AKAP6: variants seen among roughly 807,000 people sequenced by gnomAD.
The protein encoded by AKAP6 is A-kinase anchoring protein 6, also known as A-kinase anchor protein 6.
A neutral mutation model predicts 188.5 loss-of-function variants in AKAP6; 58 were observed. That is an observed-to-expected ratio of 0.31 (90% CI 0.25 to 0.38). The LOEUF (loss-of-function observed/expected upper bound fraction) is 0.38, where lower values mean the gene tolerates loss of function less well. AKAP6 is among the 10% of genes least tolerant of loss of function. The pLI, the probability that AKAP6 is intolerant of heterozygous loss-of-function variation, is 1.00. For synonymous variants in AKAP6, 989 were observed against 998.6 expected (o/e 0.99, Z 0.18); for missense variants, 2,710 against 2,740.0 (o/e 0.99, Z 0.24).
At chr14:32,683,687 A>G (rs1889790712) in intron 8 of AKAP6, among the ~76,000 whole-genome samples, 2 of 152,186 alleles carry the variant, frequency 1.3e-5, no homozygotes, top group South Asian at 4.1e-4. Context: ...AGGGTCAGAA[A>G]TGACAAGGGT....
chr14:32,619,283 A>G (rs1886716355), intron 7 of AKAP6, among the ~76,000 whole-genome samples: 1 of 152,016 alleles, frequency 6.6e-6, no homozygotes, highest in Non-Finnish European at 1.5e-5. Context: ...AGTTTTTCTT[A>G]GTTTTTCTTC....
chr14:32,361,162 G>A (rs922882386), intron 1 of AKAP6, among the ~76,000 whole-genome samples: 1 of 151,830 alleles, frequency 6.6e-6, no homozygotes, highest in South Asian at 2.1e-4. Flanking sequence ...AAATGGCATA[G>A]GATGAGGGGA....
At chr14:32,792,813 T>C (rs952556144) in intron 12 of AKAP6, among the ~76,000 whole-genome samples, 10 of 152,244 alleles carry the variant, frequency 6.6e-5, no homozygotes, top group African/African-American at 2.4e-4. Context: ...TTATTGAGTG[T>C]TTTTAGCATG....
intron 2 of AKAP6, among the ~76,000 whole-genome samples, chr14:32,527,343 C>CTCCTTGGTTGCTTCCAAGTTTTGGCAA (rs960522283): frequency 6.6e-6 from 1 of 152,000 alleles, no homozygotes; most frequent in South Asian, 2.1e-4. Context: ...ACCTACTGAA[C>CTCCTTGGTTGCTTCCAAGTTTTGGCAA]TCCTTGGTTG....
chr14:32,529,194 A>ATAT (rs1882281808), intron 2 of AKAP6, among the ~76,000 whole-genome samples: 1 of 152,180 alleles, frequency 6.6e-6, no homozygotes, highest in Admixed American at 6.6e-5. Context: ...ATATGTTTTT[A>ATAT]GATTTATACC....
chr14:32,504,705 C>A (rs1482414996), intron 2 of AKAP6, among the ~76,000 whole-genome samples: 1 of 152,120 alleles, frequency 6.6e-6, no homozygotes, highest in Admixed American at 6.5e-5. Context: ...GTAGGCTTAC[C>A]TTTTTCTTCC....
chr14:32,540,864 T>G (rs1282068663), intron 3 of AKAP6, among the ~76,000 whole-genome samples: 1 of 149,390 alleles, frequency 6.7e-6, no homozygotes. Context: ...GCTTTGTTTT[T>G]TTTTTCAGGG....
At chr14:32,389,853 C>T (rs896347196) in intron 1 of AKAP6, among the ~76,000 whole-genome samples, 11 of 152,152 alleles carry the variant, frequency 7.2e-5, no homozygotes, top group Middle Eastern at 3.4e-3. Context: ...ATGAATTTCC[C>T]GTGTGTTCTT....
intron 9 of AKAP6, among the ~76,000 whole-genome samples, chr14:32,724,990 TAAAAAAAAAAA>T (rs71432079): frequency 2.9e-4 from 10 of 34,914 alleles, no homozygotes; most frequent in East Asian, 1.6e-3. Context: ...ATATTCAACC[TAAAAAAAAAAA>T]AAAAAAAAAA....
chr14:32,706,944 A>G (rs1890837296), intron 9 of AKAP6, among the ~76,000 whole-genome samples: 2 of 152,144 alleles, frequency 1.3e-5, no homozygotes, highest in South Asian at 2.1e-4. Flanking sequence ...AAGGATAGCT[A>G]TACCCTACTG....
At chr14:32,646,839 G>A (rs1193664321) in intron 7 of AKAP6, among the ~76,000 whole-genome samples, 1 of 152,048 alleles carries the variant, frequency 6.6e-6, no homozygotes, top group Non-Finnish European at 1.5e-5. Flanking sequence ...GGGAAAAGGA[G>A]TACAGTGATT....
chr14:32,564,107 T>C (rs71419914), intron 4 of AKAP6, among the ~76,000 whole-genome samples: 17,001 of 152,176 alleles, frequency 0.11, 1,251 homozygotes, highest in East Asian at 0.26. Context: ...ACTAGGTTAC[T>C]TGTAATATCT....
At chr14:32,797,310 A>G (rs867860759) in intron 12 of AKAP6, among the ~76,000 whole-genome samples, 1 of 152,184 alleles carries the variant, frequency 6.6e-6, no homozygotes, top group Admixed American at 6.6e-5. Context: ...AGATACATGC[A>G]TGCATATATT....
intron 2 of AKAP6, among the ~76,000 whole-genome samples, chr14:32,524,417 C>CAT (rs1882018630): frequency 6.6e-6 from 1 of 151,820 alleles, no homozygotes; most frequent in African/African-American, 2.4e-5. Flanking sequence ...TTTACTAAGC[C>CAT]ATATATATAA....
At chr14:32,342,488 T>C (rs1886920519) in intron 1 of AKAP6, among the ~76,000 whole-genome samples, 1 of 152,218 alleles carries the variant, frequency 6.6e-6, no homozygotes, top group Admixed American at 6.5e-5. Context: ...TTTGATTGTG[T>C]GATAGATCTA....
intron 2 of AKAP6, among the ~76,000 whole-genome samples, chr14:32,456,342 T>C (rs539220701): frequency 6.6e-6 from 1 of 152,134 alleles, no homozygotes; most frequent in Non-Finnish European, 1.5e-5. Context: ...AATAGAAATA[T>C]TGTCTTTAGG....
chr14:32,528,551 CA>C (rs1364697178), intron 2 of AKAP6, among the ~76,000 whole-genome samples: 1 of 152,094 alleles, frequency 6.6e-6, no homozygotes, highest in African/African-American at 2.4e-5. Flanking sequence ...GTTCTTTTGC[CA>C]ATATAATTGT....
chr14:32,678,524 G>A, intron 8 of AKAP6, 65 bp downstream of exon 8: 2 of 1,584,442 alleles, frequency 1.3e-6, no homozygotes, highest in East Asian at 2.3e-5. Flanking sequence ...TTTTCCACTG[G>A]TAGGTGTTAG....
chr14:32,518,324 G>C (rs1019760573), intron 2 of AKAP6, among the ~76,000 whole-genome samples: 1 of 152,176 alleles, frequency 6.6e-6, no homozygotes, highest in Admixed American at 6.5e-5. Context: ...ACCAGCAATG[G>C]AACAAAGCTG....
Sources: allele counts gnomAD v4.1 joint callset (sites outside exome capture counted in the v4.1 genomes callset), GRCh38; gene constraint gnomAD v4.1.1; transcripts MANE v1.5; gene names NCBI Gene and HGNC (gene_info 2026-07-23, HGNC 2026-07-21).